LRP1B: variants seen among roughly 807,000 people sequenced by gnomAD.
The protein encoded by LRP1B is low-density lipoprotein receptor-related protein 1B.
A neutral mutation model predicts 556.6 loss-of-function variants in LRP1B; 217 were observed. The ratio of observed to expected loss-of-function variants is 0.39; its 90% CI spans 0.35 to 0.44. LRP1B has a LOEUF of 0.44. Ranked by LOEUF, LRP1B falls within the 20% of genes least tolerant of loss-of-function variation. LRP1B has a pLI of 1.00. For missense variants in LRP1B, 5,053 were observed against 5,620.8 expected, an observed-to-expected ratio of 0.90 and a Z score of 3.23; for synonymous variants, 2,047 against 1,865.8, an observed-to-expected ratio of 1.10 and a Z score of -2.50.
rs1253842228 is a variant in LRP1B, at chr2:141,810,319, G to A, written c.165C>T (p.Asp55=). 6.2e-7 allele frequency: 1 copy of A among 1,613,172 alleles called. No individual in the cohort carries two copies. Reference sequence around the variant, plus strand: ...CGTCTGAATCATCAGGGCAGTCAGGGTCCCCATCACACAGCCAGCTCTGGG... The same window carrying A: ...CGTCTGAATCATCAGGGCAGTCAGGATCCCCATCACACAGCCAGCTCTGGG... The part of the protein sequence containing the change: ...CVSQSWLCDG[D]PDCPDDSDES... Residue 55 remains aspartate (D), a synonymous_variant, in exon 2 of 91, where the codon GAC becomes GAT. Coordinates refer to ENST00000389484, the MANE Select transcript of LRP1B (RefSeq NM_018557.3).
At chr2:141,772,461 C>T (rs918946384) in intron 2 of LRP1B, among the ~76,000 whole-genome samples, 3 of 152,108 alleles carry the variant, frequency 2.0e-5, no homozygotes, top group African/African-American at 7.2e-5. Context: ...TGATCCACAG[C>T]ATCAGCATCA....
intron 31 of LRP1B, among the ~76,000 whole-genome samples, chr2:140,823,584 T>A (rs1691400310): frequency 6.6e-6 from 1 of 152,046 alleles, no homozygotes; most frequent in South Asian, 2.1e-4. Context: ...GTGGAACAGT[T>A]CTGAAGGAAT....
chr2:140,326,680 AGAGT>A (rs2105066189), intron 79 of LRP1B, among the ~76,000 whole-genome samples: 1 of 151,536 alleles, frequency 6.6e-6, no homozygotes, highest in South Asian at 2.1e-4. Context: ...CCTAGGCAAC[AGAGT>A]GAGACCCCCT....
At chr2:140,980,668 TG>T (rs1696742149) in intron 18 of LRP1B, among the ~76,000 whole-genome samples, 1 of 152,160 alleles carries the variant, frequency 6.6e-6, no homozygotes, top group Non-Finnish European at 1.5e-5. Flanking sequence ...GTTACCACCA[TG>T]GAAAACAATA....
At chr2:140,993,136 A>T (rs1179497383) in intron 16 of LRP1B, among the ~76,000 whole-genome samples, 1 of 152,058 alleles carries the variant, frequency 6.6e-6, no homozygotes, top group East Asian at 1.9e-4. Context: ...AAGGGAAATG[A>T]AGGACTGTCA....
chr2:141,533,845 A>G (rs1025229777), intron 2 of LRP1B, among the ~76,000 whole-genome samples: 7 of 152,094 alleles, frequency 4.6e-5, no homozygotes, highest in African/African-American at 1.4e-4. Flanking sequence ...TTCACTTACC[A>G]TTTGCCAAGT....
chr2:140,603,991 T>C (rs1273878774), intron 41 of LRP1B, among the ~76,000 whole-genome samples: 2 of 152,050 alleles, frequency 1.3e-5, no homozygotes, highest in Non-Finnish European at 2.9e-5. Context: ...TGTTTGAACA[T>C]TGAGATTCCT....
chr2:141,719,146 T>C (rs1347457756), intron 2 of LRP1B, among the ~76,000 whole-genome samples: 1 of 152,154 alleles, frequency 6.6e-6, no homozygotes, highest in African/African-American at 2.4e-5. Flanking sequence ...GGCATTACTA[T>C]CATCTCTAAT....
At chr2:140,684,101 GA>G (rs1003113953) in intron 41 of LRP1B, among the ~76,000 whole-genome samples, 3 of 152,028 alleles carry the variant, frequency 2.0e-5, no homozygotes, top group Non-Finnish European at 2.9e-5. Context: ...CAGAGAGTGA[GA>G]AAAAAATGAC....
At chr2:141,083,383 T>C (rs1233192875) in intron 7 of LRP1B, among the ~76,000 whole-genome samples, 1 of 146,866 alleles carries the variant, frequency 6.8e-6, no homozygotes, top group Non-Finnish European at 1.5e-5. Context: ...GGAACAGGGA[T>C]GATTAAAAAA....
intron 1 of LRP1B, among the ~76,000 whole-genome samples, chr2:141,864,577 A>T (rs946884256): frequency 6.6e-6 from 1 of 151,878 alleles, no homozygotes; most frequent in African/African-American, 2.4e-5. Context: ...AAAAAAAAAA[A>T]AACTTATGAA....
intron 43 of LRP1B, among the ~76,000 whole-genome samples, chr2:140,569,205 T>A (rs1259435286): frequency 1.3e-5 from 2 of 150,730 alleles, no homozygotes; most frequent in Non-Finnish European, 3.0e-5. Context: ...ACAACAGGAG[T>A]ATATCCTATT....
intron 2 of LRP1B, among the ~76,000 whole-genome samples, chr2:141,488,181 T>TG (rs1683187663): frequency 8.9e-6 from 1 of 112,332 alleles, no homozygotes; most frequent in African/African-American, 3.6e-5. Context: ...TACATTTATT[T>TG]GTTTTTTTCC....
chr2:140,267,470 A>G (rs1221381328), intron 86 of LRP1B, among the ~76,000 whole-genome samples: 3 of 151,934 alleles, frequency 2.0e-5, no homozygotes, highest in African/African-American at 7.2e-5. Context: ...TCATCTCCAG[A>G]TTATTTATAA....
intron 3 of LRP1B, among the ~76,000 whole-genome samples, chr2:141,261,428 T>C (rs1448125911): frequency 6.6e-6 from 1 of 152,166 alleles, no homozygotes; most frequent in Admixed American, 6.6e-5. Context: ...TTTTGATAAA[T>C]GTGTATTGTT....
intron 1 of LRP1B, among the ~76,000 whole-genome samples, chr2:142,095,795 T>C (rs965140154): frequency 2.6e-5 from 4 of 151,818 alleles, no homozygotes; most frequent in Non-Finnish European, 5.9e-5. Flanking sequence ...AATGTGATTA[T>C]TTTTACAAGG....
chr2:142,027,875 G>C, intron 1 of LRP1B, among the ~76,000 whole-genome samples: 1 of 151,856 alleles, frequency 6.6e-6, no homozygotes, highest in Admixed American at 6.6e-5. Flanking sequence ...GAAGGTAGCT[G>C]TCTGTTTTAG....
At chr2:141,262,437 A>C (rs1684730126) in intron 3 of LRP1B, among the ~76,000 whole-genome samples, 1 of 152,140 alleles carries the variant, frequency 6.6e-6, no homozygotes, top group Non-Finnish European at 1.5e-5. Flanking sequence ...AAAGAAAAAA[A>C]TCTTACATTT....
rs148520390 is a variant in LRP1B at position 141,799,267 on chromosome 2, C to T, written c.205+11012G>A. ...TGTGATATCATTCTTAAGATTATAT[C>T]ACATTCCGTGACAAAAGGGAGATAG... On this transcript the variant is annotated intron_variant, in intron 2 of 90. Transcript: ENST00000389484. Among the ~76,000 whole-genome samples the T allele has an allele frequency of 2.9e-3, 439 of 152,208 alleles. 1 individual carries two copies. The highest frequency in any genetic ancestry group is 0.01 in the African/African-American group (416 of 41,524).
Sources: allele counts gnomAD v4.1 joint callset (sites outside exome capture counted in the v4.1 genomes callset), GRCh38; gene constraint gnomAD v4.1.1; transcripts MANE v1.5; gene names NCBI Gene and HGNC (gene_info 2026-07-23, HGNC 2026-07-21).